The following NCALD variants were observed in gnomAD, a reference collection of about 807,000 sequenced individuals.
NCALD encodes neurocalcin-delta.
A neutral mutation model predicts 18.6 loss-of-function variants in NCALD; 10 were observed. The ratio of observed to expected loss-of-function variants is 0.54; its 90% CI spans 0.33 to 0.91. NCALD has a LOEUF of 0.91. Ranked by LOEUF, NCALD falls within the 40% of genes least tolerant of loss-of-function variation. The pLI is 0.03. For missense variants in NCALD, 184 were observed against 247.6 expected, an observed-to-expected ratio of 0.74 and a Z score of 1.72; for synonymous variants, 88 against 87.4, an observed-to-expected ratio of 1.01 and a Z score of -0.04.
chr8:102,114,298 A>G (rs1436590542), intron 1 of NCALD, among the ~76,000 whole-genome samples: 1 of 152,234 alleles, frequency 6.6e-6, no homozygotes, highest in Non-Finnish European at 1.5e-5. Context: ...CACAGCCATC[A>G]GCTTCTCTCT....
intron 1 of NCALD, among the ~76,000 whole-genome samples, chr8:101,733,824 C>T (rs1263843627): frequency 6.6e-6 from 1 of 152,190 alleles, no homozygotes; most frequent in East Asian, 1.9e-4. Flanking sequence ...GACTGCCAGA[C>T]CCCCACTGAG....
intron 2 of NCALD, among the ~76,000 whole-genome samples, chr8:101,921,402 A>G (rs1783600749): frequency 6.6e-6 from 1 of 152,010 alleles, no homozygotes; most frequent in Non-Finnish European, 1.5e-5. Flanking sequence ...TAATAATAAA[A>G]GAAGAAAAGG....
chr8:101,746,938 A>G (rs1192943141), intron 1 of NCALD, among the ~76,000 whole-genome samples: 1 of 152,080 alleles, frequency 6.6e-6, no homozygotes, highest in African/African-American at 2.4e-5. Context: ...TCTCATTCTC[A>G]TGGTGTTAGG....
intron 2 of NCALD, among the ~76,000 whole-genome samples, chr8:101,932,505 T>C (rs376037715): frequency 1.3e-5 from 2 of 152,240 alleles, no homozygotes; most frequent in East Asian, 1.9e-4. Context: ...GTGTGTCTTT[T>C]ATATGGCCAA....
intron 2 of NCALD, among the ~76,000 whole-genome samples, chr8:102,007,576 A>T (rs941175750): frequency 2.6e-5 from 4 of 152,242 alleles, no homozygotes; most frequent in Non-Finnish European, 5.9e-5. Flanking sequence ...ATTTAAAGAA[A>T]AATGCCAAAT....
At chr8:102,024,574 G>A (rs1822389405) in intron 1 of NCALD, among the ~76,000 whole-genome samples, 1 of 152,082 alleles carries the variant, frequency 6.6e-6, no homozygotes, top group South Asian at 2.1e-4. Flanking sequence ...TCATCACATA[G>A]CCAGGAGCCT....
chr8:101,859,824 C>A (rs1469387321), intron 4 of NCALD, among the ~76,000 whole-genome samples: 2 of 152,096 alleles, frequency 1.3e-5, no homozygotes, highest in African/African-American at 4.8e-5. Flanking sequence ...AAAACAGTAA[C>A]ATAAGAACAT....
chr8:101,958,652 C>G (rs1019969441), intron 2 of NCALD, among the ~76,000 whole-genome samples: 2 of 152,084 alleles, frequency 1.3e-5, no homozygotes, highest in African/African-American at 4.8e-5. Context: ...GGGTCATTAT[C>G]CCTCAACTGC....
chr8:102,110,667 C>T (rs1396377366), intron 1 of NCALD, among the ~76,000 whole-genome samples: 2 of 152,108 alleles, frequency 1.3e-5, no homozygotes, highest in Non-Finnish European at 2.9e-5. Flanking sequence ...CTAACCCATT[C>T]GGAAAAGTAA....
In NCALD at chr8:101,719,513, G is replaced by A. The variant is rs1816251129; in HGVS notation, c.117C>T (p.Pro39=). 6.2e-7 allele frequency: 1 copy of A among 1,614,198 alleles called. No individual in the cohort carries two copies. Residue 39 remains proline (P), a synonymous_variant, in exon 2 of 4, where the codon CCC becomes CCT. Coordinates refer to ENST00000220931, the MANE Select transcript of NCALD (RefSeq NM_032041.3). ...ACTCTTCCATTGACAAATGTCCACT[G>A]GGGCAGTCTCTCAAGAAGCCTTTAT... ...EWYKGFLRDC[P]SGHLSMEEFK...
chr8:101,802,066 G>C (rs183346314), intron 4 of NCALD, among the ~76,000 whole-genome samples: 4 of 152,218 alleles, frequency 2.6e-5, no homozygotes, highest in Admixed American at 2.6e-4. Context: ...AGCAAGGCTA[G>C]CCGTGCTGTT....
chr8:101,868,403 C>T (rs1363002126), intron 4 of NCALD, among the ~76,000 whole-genome samples: 1 of 152,122 alleles, frequency 6.6e-6, no homozygotes, highest in African/African-American at 2.4e-5. Flanking sequence ...GAAGGCAGGA[C>T]ACCTAAGGCT....
intron 2 of NCALD, among the ~76,000 whole-genome samples, chr8:101,927,114 C>A (rs568742141): frequency 6.6e-6 from 1 of 152,298 alleles, no homozygotes; most frequent in African/African-American, 2.4e-5. Flanking sequence ...AGTTTATTTA[C>A]CCACTAGCAT....
At chr8:101,910,273 A>G (rs780083343) in intron 3 of NCALD, among the ~76,000 whole-genome samples, 5 of 146,390 alleles carry the variant, frequency 3.4e-5, no homozygotes, top group Non-Finnish European at 6.0e-5. Flanking sequence ...GGCAAATGGA[A>G]GGTATGTAAG....
intron 1 of NCALD, among the ~76,000 whole-genome samples, chr8:102,106,073 ATT>A (rs542211380): frequency 3.5e-5 from 5 of 143,834 alleles, no homozygotes; most frequent in Admixed American, 6.9e-5. Flanking sequence ...TAGAACAACA[ATT>A]TTTTTTTTTT....
chr8:101,782,248 T>C (rs1200851817), intron 1 of NCALD, among the ~76,000 whole-genome samples: 4 of 152,074 alleles, frequency 2.6e-5, no homozygotes, highest in Non-Finnish European at 5.9e-5. Flanking sequence ...TGTTTAAAAC[T>C]ATGAAGTTAC....
intron 4 of NCALD, among the ~76,000 whole-genome samples, chr8:101,830,280 G>C (rs551959619): frequency 3.3e-5 from 5 of 152,100 alleles, no homozygotes; most frequent in Admixed American, 6.5e-5. Context: ...AATGTTTTGG[G>C]CCAGGCATGG....
chr8:102,089,117 G>A (rs1418136352), intron 1 of NCALD, among the ~76,000 whole-genome samples: 6 of 152,158 alleles, frequency 3.9e-5, no homozygotes, highest in African/African-American at 7.2e-5. Flanking sequence ...CAAATAGGCC[G>A]GGTGCAGTGG....
chr8:102,073,929 T>C (rs1824262081), intron 1 of NCALD, among the ~76,000 whole-genome samples: 1 of 152,244 alleles, frequency 6.6e-6, no homozygotes, highest in Non-Finnish European at 1.5e-5. Context: ...GTTTTTGGAA[T>C]CTGGCAGTTG....
Sources: allele counts gnomAD v4.1 joint callset (sites outside exome capture counted in the v4.1 genomes callset), GRCh38; gene constraint gnomAD v4.1.1; transcripts MANE v1.5; gene names NCBI Gene and HGNC (gene_info 2026-07-23, HGNC 2026-07-21).